Variants in SLC8A1 observed in about 807,000 individuals in gnomAD.
SLC8A1 encodes the protein solute carrier family 8 member A1, also known as sodium/calcium exchanger 1.
Under a neutral mutation model 68.3 loss-of-function variants are expected in SLC8A1, and 18 were observed. The ratio of observed to expected loss-of-function variants is 0.26; its 90% CI spans 0.18 to 0.39. The LOEUF is 0.39. SLC8A1 is among the 10% of genes least tolerant of loss of function. The pLI, the probability that SLC8A1 is intolerant of heterozygous loss-of-function variation, is 1.00. For synonymous variants in SLC8A1, 475 were observed against 415.5 expected, an observed-to-expected ratio of 1.14 and a Z score of -1.74; for missense variants, 985 against 1,156.7, an observed-to-expected ratio of 0.85 and a Z score of 2.15.
chr2:40,339,774 C>G (rs150813438), intron 2 of SLC8A1, among the ~76,000 whole-genome samples: 198 of 152,186 alleles, frequency 1.3e-3, no homozygotes, highest in African/African-American at 4.6e-3. Context: ...ATTTCTAAGA[C>G]GTATCTAAAT....
At chr2:40,351,214 T>C (rs1030289319) in intron 2 of SLC8A1, among the ~76,000 whole-genome samples, 5 of 152,152 alleles carry the variant, frequency 3.3e-5, no homozygotes, top group African/African-American at 1.2e-4. Flanking sequence ...TGAGTGTGAA[T>C]TTTATTTCTG....
chr2:40,414,480 T>C (rs1265904151), intron 2 of SLC8A1, among the ~76,000 whole-genome samples: 1 of 152,210 alleles, frequency 6.6e-6, no homozygotes, highest in Non-Finnish European at 1.5e-5. Flanking sequence ...TCAGTAATTA[T>C]TTTACTTAAT....
At chr2:40,408,946 CAA>C (rs1179063825) in intron 2 of SLC8A1, among the ~76,000 whole-genome samples, 1 of 151,678 alleles carries the variant, frequency 6.6e-6, no homozygotes, top group Non-Finnish European at 1.5e-5. Flanking sequence ...GAGAAAAAAA[CAA>C]AATTTTCTCG....
intron 4 of SLC8A1, among the ~76,000 whole-genome samples, chr2:40,169,505 C>A (rs751469817): frequency 6.6e-6 from 1 of 152,086 alleles, no homozygotes; most frequent in Non-Finnish European, 1.5e-5. Context: ...CTGTGTAATC[C>A]TCTAGTCACC....
chr2:40,428,448 C>T, intron 2 of SLC8A1, 25 bp downstream of exon 2: 1 of 1,508,836 alleles, frequency 6.6e-7, no homozygotes, highest in East Asian at 2.3e-5. Flanking sequence ...CACACACACA[C>T]ACACATATAT....
chr2:40,309,014 C>T (rs1024535108), intron 2 of SLC8A1, among the ~76,000 whole-genome samples: 1 of 152,100 alleles, frequency 6.6e-6, no homozygotes, highest in African/African-American at 2.4e-5. Flanking sequence ...ATTCATGCAA[C>T]CTAAAATGCT....
chr2:40,232,007 A>G (rs2059712919), intron 2 of SLC8A1, among the ~76,000 whole-genome samples: 2 of 152,126 alleles, frequency 1.3e-5, no homozygotes, highest in Non-Finnish European at 2.9e-5. Context: ...AGAATCTAAT[A>G]AAATCCAATA....
chr2:40,234,567 T>C (rs2060113008), intron 2 of SLC8A1, among the ~76,000 whole-genome samples: 1 of 152,208 alleles, frequency 6.6e-6, no homozygotes, highest in African/African-American at 2.4e-5. Flanking sequence ...TGACTTCCTC[T>C]TTTCCTAATT....
At chr2:40,346,362 C>T (rs745402840) in intron 2 of SLC8A1, among the ~76,000 whole-genome samples, 12 of 152,142 alleles carry the variant, frequency 7.9e-5, no homozygotes, top group African/African-American at 2.2e-4. Flanking sequence ...CTACTCAAAG[C>T]GGACTGGCAT....
chr2:40,316,367 G>A (rs1224972457), intron 2 of SLC8A1, among the ~76,000 whole-genome samples: 3 of 151,860 alleles, frequency 2.0e-5, no homozygotes, highest in African/African-American at 4.8e-5. Flanking sequence ...TCTCTCTACT[G>A]GAAAAGACCT....
chr2:40,423,420 TTC>T (rs1391807405), intron 2 of SLC8A1, among the ~76,000 whole-genome samples: 3 of 152,054 alleles, frequency 2.0e-5, no homozygotes, highest in African/African-American at 4.8e-5. Context: ...TTTTTTCTAT[TTC>T]TGTTATAATT....
chr2:40,493,301 C>T (rs1156634634), intron 1 of SLC8A1, among the ~76,000 whole-genome samples: 3 of 133,772 alleles, frequency 2.2e-5, no homozygotes, highest in Non-Finnish European at 4.6e-5. Flanking sequence ...ACAATGAGAA[C>T]ACATGGACAC....
chr2:40,304,842 A>G (rs919722831), intron 2 of SLC8A1, among the ~76,000 whole-genome samples: 6 of 152,150 alleles, frequency 3.9e-5, no homozygotes, highest in African/African-American at 7.2e-5. Flanking sequence ...CGCCCGCCAG[A>G]GATGAACCCA....
At chr2:40,502,833 C>A (rs1412319108) in intron 1 of SLC8A1, among the ~76,000 whole-genome samples, 2 of 152,002 alleles carry the variant, frequency 1.3e-5, no homozygotes, top group Non-Finnish European at 2.9e-5. Context: ...TACTCTCCAG[C>A]CACTGATTTC....
chr2:40,414,529 T>C (rs1456108613), intron 2 of SLC8A1, among the ~76,000 whole-genome samples: 1 of 152,208 alleles, frequency 6.6e-6, no homozygotes, highest in African/African-American at 2.4e-5. Flanking sequence ...TTGCATGATT[T>C]ATTATTCCTT....
chr2:40,432,022 A>T (rs1559664647), intron 1 of SLC8A1, among the ~76,000 whole-genome samples: 1 of 152,116 alleles, frequency 6.6e-6, no homozygotes, highest in Non-Finnish European at 1.5e-5. Context: ...TGAAAAATAG[A>T]GGTAGCATAT....
At chr2:40,256,863 T>C (rs1316188268) in intron 2 of SLC8A1, among the ~76,000 whole-genome samples, 1 of 152,062 alleles carries the variant, frequency 6.6e-6, no homozygotes, top group South Asian at 2.1e-4. Flanking sequence ...GGACAGCCTT[T>C]TGCATTACTC....
At position 40,173,390 on chromosome 2, in the gene SLC8A1, T is replaced by A. The variant is rs566230739; in HGVS notation, c.1930+1435A>T. Reference sequence around the variant, plus strand: ...CCAGAAGAGCTTCAGATGAATCAGATTTAAGAAATCCAACACAAAGACTTG... The same window carrying A: ...CCAGAAGAGCTTCAGATGAATCAGAATTAAGAAATCCAACACAAAGACTTG... On this transcript the variant is annotated intron_variant, in intron 4 of 7. Transcript: ENST00000406785. Among the ~76,000 whole-genome samples the A allele has an allele frequency of 5.9e-5, 9 of 152,332 alleles. No individual in the cohort carries two copies. The East Asian group carries it at 1.7e-3, about 29-fold the overall frequency.
chr2:40,346,648 A>G (rs574298666), intron 2 of SLC8A1, among the ~76,000 whole-genome samples: 131 of 152,308 alleles, frequency 8.6e-4, no homozygotes, highest in African/African-American at 3.0e-3. Flanking sequence ...CAAAAATGGA[A>G]TGCAAGACAC....
Sources: gnomAD v4.1 joint callset for allele counts (sites outside exome capture counted in the v4.1 genomes callset) on GRCh38, gnomAD v4.1.1 for gene constraint, MANE v1.5 for transcripts, NCBI Gene and HGNC (gene_info 2026-07-23, HGNC 2026-07-21) for gene names.